Variants in PDE7B observed in about 807,000 individuals in gnomAD.
The protein encoded by PDE7B is phosphodiesterase 7B, also known as 3',5'-cyclic-AMP phosphodiesterase 7B.
PDE7B carries 29 observed loss-of-function variants against 56.2 expected under a neutral mutation model. The ratio of observed to expected loss-of-function variants is 0.52; its 90% CI spans 0.38 to 0.70. The LOEUF (loss-of-function observed/expected upper bound fraction) is 0.70. Among genes scored for constraint, PDE7B ranks in the 30% least tolerant of loss-of-function variants. PDE7B has a pLI of 0.00. For synonymous variants in PDE7B, 197 were observed against 196.9 expected (o/e 1.00, Z 0.00); for missense variants, 490 against 565.0 (o/e 0.87, Z 1.35).
intron 2 of PDE7B, among the ~76,000 whole-genome samples, chr6:136,053,880 T>C (rs1309366963): frequency 2.6e-5 from 4 of 152,230 alleles, no homozygotes; most frequent in Non-Finnish European, 5.9e-5. Context: ...TCTGTTCATA[T>C]CCTTTGCCCA....
intron 2 of PDE7B, among the ~76,000 whole-genome samples, chr6:135,977,227 A>G (rs1182910871): frequency 3.9e-5 from 6 of 152,120 alleles, no homozygotes; most frequent in Admixed American, 3.9e-4. Flanking sequence ...GGCTTCTGAG[A>G]GGCTGAGGGC....
At chr6:136,054,602 G>A (rs1259943413) in intron 2 of PDE7B, among the ~76,000 whole-genome samples, 1 of 152,152 alleles carries the variant, frequency 6.6e-6, no homozygotes, top group African/African-American at 2.4e-5. Context: ...AAAGTCATTG[G>A]TAGCTCGATG....
intron 2 of PDE7B, among the ~76,000 whole-genome samples, chr6:136,016,289 G>T (rs1367387455): frequency 1.3e-5 from 2 of 152,122 alleles, no homozygotes; most frequent in African/African-American, 4.8e-5. Context: ...TACATGGTAG[G>T]TTCTTTCTGA....
At chr6:136,094,802 A>C (rs1266182882) in intron 2 of PDE7B, 2 of 152,178 alleles carry the variant, frequency 1.3e-5, no homozygotes, top group African/African-American at 4.8e-5. Flanking sequence ...AGGCAAACAA[A>C]AACATGTTTG....
intron 3 of PDE7B, among the ~76,000 whole-genome samples, chr6:136,134,734 CAAAAA>C (rs67667001): frequency 7.7e-5 from 7 of 91,260 alleles, no homozygotes; most frequent in African/African-American, 1.3e-4. Context: ...TTATGGTAGG[CAAAAA>C]AAAAAAAAAA....
intron 8 of PDE7B, among the ~76,000 whole-genome samples, chr6:136,157,187 A>G (rs1778622691): frequency 6.6e-6 from 1 of 152,216 alleles, no homozygotes; most frequent in African/African-American, 2.4e-5. Context: ...AGAACTATGC[A>G]TCCTGCCTCT....
At chr6:136,058,341 A>C (rs1776774855) in intron 2 of PDE7B, among the ~76,000 whole-genome samples, 1 of 152,208 alleles carries the variant, frequency 6.6e-6, no homozygotes, top group African/African-American at 2.4e-5. Flanking sequence ...GGACACCCTG[A>C]AAACATGTAA....
At chr6:135,919,035 G>A (rs1487236412) in intron 1 of PDE7B, among the ~76,000 whole-genome samples, 3 of 152,148 alleles carry the variant, frequency 2.0e-5, no homozygotes, top group Non-Finnish European at 4.4e-5. Context: ...AAATATGAAA[G>A]TATCAAAATA....
Position 136,181,100 on chromosome 6 carries a change from G to T in PDE7B, c.949-127G>T. On this transcript the variant is annotated intron_variant, in intron 10 of 12. Coordinates refer to ENST00000308191, the MANE Select transcript of PDE7B (RefSeq NM_018945.4). ...TTTCCTGAAGAGGCATGTCAGGGAG[G>T]TACTCTGTAAATATGGGCCTGGTAC... is the stretch of plus-strand genomic sequence containing the variant. The T allele has an allele frequency of 5.8e-6, 4 of 695,474 alleles. No homozygotes were observed. The South Asian group carries it at 6.6e-5, about 12-fold the overall frequency. The allele number at this position is 695,474 out of a possible 1,614,324, so 43.1% of individuals were successfully genotyped here.
chr6:135,939,350 G>A lies in PDE7B; in HGVS notation c.22-8114G>A, dbSNP rs564460539. Among the ~76,000 whole-genome samples, 8 of 152,228 alleles carry A rather than the reference G, an allele frequency of 5.3e-5. No individual in the cohort carries two copies. In the South Asian group the frequency reaches 1.0e-3, roughly 20 times the overall value. On this transcript the variant is annotated intron_variant, in intron 1 of 12. Transcript: ENST00000308191. ...TTGACTGGCTGAGGTTGGGCTGGAC[G>A]ATGAGGCCCTGATTTGAAAGCAGTG...
At chr6:136,072,509 T>A (rs535811793) in intron 2 of PDE7B, 3 of 152,196 alleles carry the variant, frequency 2.0e-5, no homozygotes, top group Admixed American at 2.0e-4. Context: ...TTTCTATTGA[T>A]CTTAAGAAAG....
intron 1 of PDE7B, among the ~76,000 whole-genome samples, chr6:135,884,956 C>G (rs998184264): frequency 2.6e-5 from 4 of 152,072 alleles, no homozygotes; most frequent in Non-Finnish European, 5.9e-5. Context: ...AACGTCTGCT[C>G]TAAGATCTCA....
At chr6:136,078,364 T>G (rs912204502) in intron 2 of PDE7B, among the ~76,000 whole-genome samples, 1 of 152,226 alleles carries the variant, frequency 6.6e-6, no homozygotes, top group Non-Finnish European at 1.5e-5. Context: ...ACAACCCATT[T>G]GACTTAAAGG....
At chr6:136,130,509 T>G (rs1190044653) in intron 3 of PDE7B, among the ~76,000 whole-genome samples, 1 of 152,174 alleles carries the variant, frequency 6.6e-6, no homozygotes, top group Non-Finnish European at 1.5e-5. Context: ...GCTAGACAAA[T>G]GATCTTTCTT....
chr6:135,874,724 G>A (rs925424532), intron 1 of PDE7B, among the ~76,000 whole-genome samples: 2 of 152,166 alleles, frequency 1.3e-5, no homozygotes, highest in Non-Finnish European at 2.9e-5. Context: ...ATTATATGTA[G>A]TCATCAGAGC....
chr6:136,012,179 C>T (rs1419577669), intron 2 of PDE7B, among the ~76,000 whole-genome samples: 2 of 152,096 alleles, frequency 1.3e-5, no homozygotes, highest in African/African-American at 4.8e-5. Context: ...CTACAAGCTC[C>T]CTTCCCACCC....
chr6:136,081,305 A>G (rs1017139653), intron 2 of PDE7B, among the ~76,000 whole-genome samples: 4 of 152,192 alleles, frequency 2.6e-5, no homozygotes, highest in Non-Finnish European at 4.4e-5. Flanking sequence ...ACTACTGAAG[A>G]TCTAGAAAGG....
chr6:135,976,895 G>A (rs1775195375), intron 2 of PDE7B, among the ~76,000 whole-genome samples: 1 of 152,048 alleles, frequency 6.6e-6, no homozygotes, highest in Non-Finnish European at 1.5e-5. Context: ...TTATCTAGAG[G>A]TCCCCACATC....
At position 136,191,719 on chromosome 6, in the gene PDE7B, C is replaced by G. The variant is rs1450821024; in HGVS notation, c.1232C>G (p.Ala411Gly). The G allele has an allele frequency of 6.2e-7, 1 of 1,611,798 alleles. No individual in the cohort carries two copies. The change falls in exon 13 of 13, where the codon GCC (alanine) becomes GGC (glycine). Residue 411 changes from alanine to glycine, a missense_variant. Ala to Gly is a moderately conservative substitution (Grantham distance 60, BLOSUM62 0). Transcript: ENST00000308191. The stretch of plus-strand genomic sequence containing the variant: ...CTGGGCCACCTCGCACACAACAAGG[C>G]CCAGTGGAAGAGCCTGTTGCCCAGG... Reference protein sequence around the residue: ...NMLGHLAHNKAQWKSLLPRQH... With the variant: ...NMLGHLAHNKGQWKSLLPRQH...
Sources: allele counts gnomAD v4.1 joint callset (sites outside exome capture counted in the v4.1 genomes callset), GRCh38; gene constraint gnomAD v4.1.1; transcripts MANE v1.5; gene names NCBI Gene and HGNC (gene_info 2026-07-23, HGNC 2026-07-21).